Variants in PTPN13 observed in about 807,000 individuals in gnomAD.
PTPN13 encodes the protein protein tyrosine phosphatase non-receptor type 13.
Under a neutral mutation model 284.0 loss-of-function variants are expected in PTPN13, and 191 were observed. That is an observed-to-expected ratio of 0.67 (90% CI 0.60 to 0.76). The LOEUF is 0.76. Ranked by LOEUF, PTPN13 falls within the 30% of genes least tolerant of loss-of-function variation. The pLI is 0.00. For synonymous variants in PTPN13, 986 were observed against 1,022.3 expected, an observed-to-expected ratio of 0.96 and a Z score of 0.68; for missense variants, 2,797 against 2,939.9, an observed-to-expected ratio of 0.95 and a Z score of 1.12.
intron 2 of PTPN13, among the ~76,000 whole-genome samples, chr4:86,651,373 AGTTT>A (rs1209503415): frequency 1.3e-5 from 2 of 151,690 alleles, no homozygotes; most frequent in Admixed American, 6.6e-5. Context: ...GCCTGTAGTT[AGTTT>A]GTTTCCTTCC....
At chr4:86,740,657 T>A (rs1578545790) in intron 15 of PTPN13, among the ~76,000 whole-genome samples, 2 of 152,222 alleles carry the variant, frequency 1.3e-5, no homozygotes, top group Admixed American at 6.5e-5. Context: ...GTTACTTATG[T>A]AAATTTCTGC....
chr4:86,724,971 C>G (rs1734080841), intron 10 of PTPN13, among the ~76,000 whole-genome samples: 1 of 150,448 alleles, frequency 6.6e-6, no homozygotes, highest in Non-Finnish European at 1.5e-5. Context: ...TCCCCCAGCC[C>G]CCCACCCCCC....
At chr4:86,685,277 G>A (rs912846619) in intron 3 of PTPN13, among the ~76,000 whole-genome samples, 2 of 152,104 alleles carry the variant, frequency 1.3e-5, no homozygotes, top group Non-Finnish European at 2.9e-5. Context: ...GTGAGAAAAT[G>A]CAAATCAAAA....
At chr4:86,620,995 C>A (rs1721164617) in intron 1 of PTPN13, among the ~76,000 whole-genome samples, 2 of 152,184 alleles carry the variant, frequency 1.3e-5, no homozygotes, top group Admixed American at 1.3e-4. Flanking sequence ...TCTAGAAGCA[C>A]TCCGTTTCTC....
intron 1 of PTPN13, among the ~76,000 whole-genome samples, chr4:86,631,047 TATC>T (rs1722412766): frequency 6.6e-6 from 1 of 152,174 alleles, no homozygotes; most frequent in South Asian, 2.1e-4. Context: ...ACTTTCTAGT[TATC>T]ATGCAGCATA....
At chr4:86,787,418 C>A (rs969522640) in intron 40 of PTPN13, among the ~76,000 whole-genome samples, 5 of 151,642 alleles carry the variant, frequency 3.3e-5, no homozygotes, top group African/African-American at 9.7e-5. Flanking sequence ...CATGGAGAAA[C>A]CCCGTCTCTA....
chr4:86,701,408 T>C lies in PTPN13; in HGVS notation c.802T>C (p.Ser268Pro). ...ATCAGATAATTCTGGACGTGAAGAT[T>C]CTGAAAATACATTCTCCCCTTACCA... ...ILSDNSGREDSENTFSPYQFK... is the reference protein window; with the variant it reads ...ILSDNSGREDPENTFSPYQFK... Residue 268 changes from serine (S) to proline (P), a missense_variant, in exon 7 of 48, where the codon TCT becomes CCT. Ser to Pro is a moderately conservative substitution (Grantham distance 74). Transcript: ENST00000411767. 6.2e-7 allele frequency: 1 copy of C among 1,613,804 alleles called. No individual in the cohort carries two copies. The highest frequency in any genetic ancestry group is 8.5e-7 in the Non-Finnish European group (1 of 1,179,784).
intron 9 of PTPN13, among the ~76,000 whole-genome samples, chr4:86,719,091 T>C (rs1733356676): frequency 6.6e-6 from 1 of 152,298 alleles, no homozygotes; most frequent in African/African-American, 2.4e-5. Context: ...TTAAGCCCAG[T>C]ACACAACAGT....
At chr4:86,606,366 A>G (rs752957146) in intron 1 of PTPN13, among the ~76,000 whole-genome samples, 1 of 151,872 alleles carries the variant, frequency 6.6e-6, no homozygotes, top group Non-Finnish European at 1.5e-5. Context: ...ATTCTGCTAT[A>G]GTAGTTGGTT....
At chr4:86,785,505 G>T in intron 39 of PTPN13, 137 bp downstream of exon 39, 1 of 810,282 alleles carries the variant, frequency 1.2e-6, no homozygotes, top group Non-Finnish European at 1.8e-6. Flanking sequence ...AAACAAAACA[G>T]AATTTGTTAT....
At chr4:86,680,762 C>G (rs1300349132) in intron 3 of PTPN13, among the ~76,000 whole-genome samples, 2 of 152,186 alleles carry the variant, frequency 1.3e-5, no homozygotes, top group African/African-American at 2.4e-5. Context: ...TATGACTCCT[C>G]TTTTTTAGAT....
chr4:86,766,655 T>C (rs1578616414), intron 27 of PTPN13, 138 bp downstream of exon 27: 2 of 522,102 alleles, frequency 3.8e-6, no homozygotes, highest in African/African-American at 2.0e-5. Context: ...CCATCTGGGT[T>C]GTTGATTTTT....
Position 86,750,755 on chromosome 4 carries a change from A to G in PTPN13, c.2936A>G (p.Tyr979Cys), listed in dbSNP as rs200548939. 1.2e-4 allele frequency: 188 copies of G among 1,613,524 alleles called. 1 individual carries two copies. The highest frequency in any genetic ancestry group is 9.2e-5 in the Non-Finnish European group (108 of 1,179,716). ...SYHDLSQASL[Y>C]PHRKNVIVNM... ...CATGATCTCAGTCAGGCCTCTCTCT[A>G]TCCACATCGGAAAAATGTCATTGTT... Residue 979 changes from tyrosine to cysteine, a missense_variant, in exon 18 of 48, where the codon TAT (tyrosine) becomes TGT (cysteine). Physicochemically the swap from Tyr to Cys is radical, Grantham distance 194. Coordinates refer to ENST00000411767, the MANE Select transcript of PTPN13 (RefSeq NM_080683.3).
intron 3 of PTPN13, among the ~76,000 whole-genome samples, chr4:86,673,386 C>T (rs371970027): frequency 6.6e-6 from 1 of 152,098 alleles, no homozygotes; most frequent in African/African-American, 2.4e-5. Flanking sequence ...GTAGAAAGGG[C>T]ATTCTACTCA....
Position 86,769,757 on chromosome 4 carries a change from CT to C in PTPN13, c.4490-7del. The C allele has an allele frequency of 6.5e-7, 1 of 1,536,230 alleles. No individual in the cohort carries two copies. The highest frequency in any genetic ancestry group is 8.9e-7 in the Non-Finnish European group (1 of 1,128,504). On this transcript the variant is annotated splice_polypyrimidine_tract_variant and intron_variant, in intron 28 of 47. Coordinates refer to ENST00000411767, the MANE Select transcript of PTPN13 (RefSeq NM_080683.3). Reference sequence around the variant, plus strand: ...AATAATATCTAAATTTTTTTTATATCTTTTTCTCCAGAAAATACATTTGAGG... The same window carrying C: ...AATAATATCTAAATTTTTTTTATATCTTTTCTCCAGAAAATACATTTGAGG...
intron 45 of PTPN13, 45 bp downstream of exon 45, chr4:86,807,942 T>C (rs2149385687): frequency 6.6e-7 from 1 of 1,515,176 alleles, no homozygotes; most frequent in Non-Finnish European, 9.0e-7. Context: ...TATCTCCTAG[T>C]TGTAATCCAA....
chr4:86,805,211 A>G, intron 43 of PTPN13, 68 bp from the exon 44 acceptor site: 1 of 1,010,672 alleles, frequency 9.9e-7, no homozygotes, highest in African/African-American at 1.6e-5. Flanking sequence ...CTACACATTT[A>G]AAGTATTTGA....
At chr4:86,684,100 T>TTAAA (rs752167023) in intron 3 of PTPN13, among the ~76,000 whole-genome samples, 1 of 138,062 alleles carries the variant, frequency 7.2e-6, no homozygotes, top group Non-Finnish European at 1.6e-5. Flanking sequence ...TAAGATATGT[T>TTAAA]AAAAAAAAAA....
At chr4:86,595,068 GGA>G (rs1763495176) in intron 1 of PTPN13, among the ~76,000 whole-genome samples, 1 of 152,150 alleles carries the variant, frequency 6.6e-6, no homozygotes, top group African/African-American at 2.4e-5. Flanking sequence ...CGGATTCTCG[GGA>G]ATGAAACCCA....
Sources: allele counts gnomAD v4.1 joint callset (sites outside exome capture counted in the v4.1 genomes callset), GRCh38; gene constraint gnomAD v4.1.1; transcripts MANE v1.5; gene names NCBI Gene and HGNC (gene_info 2026-07-23, HGNC 2026-07-21).